The following NXPE4 variants were observed in gnomAD, a reference collection of about 807,000 sequenced individuals.
NXPE4 encodes neurexophilin and PC-esterase domain family member 4.
Under a neutral mutation model 33.3 loss-of-function variants are expected in NXPE4, and 42 were observed. That is an observed-to-expected ratio of 1.26 (90% CI 0.98 to 1.63). The LOEUF is 1.63. Among genes scored for constraint, NXPE4 ranks in the 40% most tolerant of loss-of-function variants. The probability of loss-of-function intolerance (pLI) is 0.00; values close to 1 mark genes in which losing one functional copy is unlikely to be tolerated. For missense variants in NXPE4, 709 were observed against 647.6 expected (o/e 1.09, Z -1.03); for synonymous variants, 253 against 234.9 (o/e 1.08, Z -0.71).
the NXPE4 span, among the ~76,000 whole-genome samples, chr11:114,604,198 A>G: frequency 1.3e-5 from 2 of 152,204 alleles, no homozygotes; most frequent in Admixed American, 1.3e-4. Context: ...GGTGGATAAT[A>G]AGTATTGCCT....
the NXPE4 span, among the ~76,000 whole-genome samples, chr11:114,640,235 T>C: frequency 7.1e-6 from 1 of 140,954 alleles, no homozygotes. Flanking sequence ...ATATATAAAT[T>C]ATATATTATA....
At chr11:114,594,248 T>C (rs115169924) in intron 2 of NXPE4, among the ~76,000 whole-genome samples, 1,903 of 152,288 alleles carry the variant, frequency 0.012, 41 homozygotes, top group African/African-American at 0.043. Context: ...TACCCTGATA[T>C]GATTACTATG....
the NXPE4 span, among the ~76,000 whole-genome samples, chr11:114,668,322 C>A: frequency 6.6e-6 from 1 of 151,874 alleles, no homozygotes; most frequent in African/African-American, 2.4e-5. Flanking sequence ...TGCTAGTGAA[C>A]AGGCTAACAT....
At chr11:114,605,138 G>T in the NXPE4 span, among the ~76,000 whole-genome samples, 1 of 151,526 alleles carries the variant, frequency 6.6e-6, no homozygotes, top group African/African-American at 2.4e-5. Flanking sequence ...TGCCTTGTGG[G>T]TAAGCACTGT....
the NXPE4 span, among the ~76,000 whole-genome samples, chr11:114,604,298 G>T: frequency 1.3e-5 from 2 of 152,004 alleles, no homozygotes; most frequent in African/African-American, 2.4e-5. Context: ...TGCCTCGTGG[G>T]TAACAATTCT....
chr11:114,632,456 G>T, the NXPE4 span, among the ~76,000 whole-genome samples: 4 of 122,390 alleles, frequency 3.3e-5, no homozygotes, highest in East Asian at 2.2e-4. Context: ...ATTTATAAGA[G>T]TTATACATTA....
At chr11:114,614,054 A>G in the NXPE4 span, among the ~76,000 whole-genome samples, 9 of 151,256 alleles carry the variant, frequency 6.0e-5, no homozygotes, top group South Asian at 1.0e-3. Flanking sequence ...CCGGTGAATA[A>G]TAAGTGTCGC....
chr11:114,617,014 A>G, the NXPE4 span, among the ~76,000 whole-genome samples: 1 of 151,880 alleles, frequency 6.6e-6, no homozygotes, highest in Non-Finnish European at 1.5e-5. Flanking sequence ...CTGGTGGATA[A>G]TAAGTATTTC....
chr11:114,628,528 G>C, the NXPE4 span, among the ~76,000 whole-genome samples: 3 of 151,654 alleles, frequency 2.0e-5, no homozygotes, highest in Non-Finnish European at 2.9e-5. Flanking sequence ...GCAGTGTGTA[G>C]AGGGAAATTT....
the NXPE4 span, among the ~76,000 whole-genome samples, chr11:114,621,604 G>C: frequency 6.6e-6 from 1 of 152,088 alleles, no homozygotes; most frequent in Non-Finnish European, 1.5e-5. Flanking sequence ...TTTCCTCTAG[G>C]GTAACCACTG....
the NXPE4 span, among the ~76,000 whole-genome samples, chr11:114,670,978 AAAAG>A: frequency 6.6e-6 from 1 of 150,562 alleles, no homozygotes; most frequent in Non-Finnish European, 1.5e-5. Flanking sequence ...CCTGCTTAAA[AAAAG>A]AAAGGAAATT....
At chr11:114,611,150 C>T in the NXPE4 span, among the ~76,000 whole-genome samples, 1,555 of 151,476 alleles carry the variant, frequency 0.01, 23 homozygotes, top group African/African-American at 0.035. Flanking sequence ...CACTGTTACC[C>T]GGAGGATAAT....
chr11:114,674,674 C>G, the NXPE4 span, among the ~76,000 whole-genome samples: 2 of 151,542 alleles, frequency 1.3e-5, no homozygotes, highest in African/African-American at 4.8e-5. Flanking sequence ...AACTGTTCAA[C>G]AAAGAAAAGA....
At chr11:114,639,791 T>C in the NXPE4 span, among the ~76,000 whole-genome samples, 2 of 124,596 alleles carry the variant, frequency 1.6e-5, no homozygotes, top group Non-Finnish European at 3.2e-5. Context: ...ATATAATATA[T>C]ATTATATTAA....
At chr11:114,652,996 C>T in the NXPE4 span, among the ~76,000 whole-genome samples, 1 of 152,160 alleles carries the variant, frequency 6.6e-6, no homozygotes, top group Admixed American at 6.5e-5. Flanking sequence ...AGCAAATTTG[C>T]AACCTCTGTG....
chr11:114,607,891 C>T, the NXPE4 span, among the ~76,000 whole-genome samples: 12 of 151,896 alleles, frequency 7.9e-5, no homozygotes, highest in Non-Finnish European at 1.6e-4. Flanking sequence ...AGTACTGCCT[C>T]GTGGGTAACC....
the NXPE4 span, among the ~76,000 whole-genome samples, chr11:114,640,543 C>T: frequency 6.6e-6 from 1 of 151,746 alleles, no homozygotes; most frequent in Non-Finnish European, 1.5e-5. Context: ...ACTATTTACA[C>T]AGAGGTTGTA....
At chr11:114,612,880 G>A in the NXPE4 span, among the ~76,000 whole-genome samples, 1 of 151,936 alleles carries the variant, frequency 6.6e-6, no homozygotes, top group African/African-American at 2.4e-5. Context: ...TGGATAATAA[G>A]TGTTGCCTCA....
the NXPE4 span, among the ~76,000 whole-genome samples, chr11:114,608,320 G>A: frequency 2.6e-5 from 4 of 151,806 alleles, no homozygotes; most frequent in African/African-American, 4.8e-5. Flanking sequence ...GGTAACCAGT[G>A]TTACTTGCTG....
Sources: allele counts gnomAD v4.1 joint callset (sites outside exome capture counted in the v4.1 genomes callset), GRCh38; gene constraint gnomAD v4.1.1; transcripts MANE v1.5; gene names NCBI Gene and HGNC (gene_info 2026-07-23, HGNC 2026-07-21).